Variants in KATNA1 observed in about 807,000 individuals in gnomAD.
KATNA1 encodes katanin p60 ATPase-containing subunit A1.
In KATNA1, 42 loss-of-function variants were observed where a neutral mutation model predicts 62.6. The observed-to-expected ratio is 0.67, with a 90% CI of 0.52 to 0.87. KATNA1 has a LOEUF of 0.87. KATNA1 is among the 40% of genes least tolerant of loss of function. The pLI, the probability that KATNA1 is intolerant of heterozygous loss-of-function variation, is 0.00. For synonymous variants in KATNA1, 186 were observed against 201.9 expected (o/e 0.92, Z 0.67); for missense variants, 498 against 612.5 (o/e 0.81, Z 1.97).
chr6:149,626,974 A>C (rs1415710064), intron 3 of KATNA1, among the ~76,000 whole-genome samples: 1 of 151,780 alleles, frequency 6.6e-6, no homozygotes, highest in Non-Finnish European at 1.5e-5. Context: ...ACAGAGTGAG[A>C]CTCCATCTTA....
intron 5 of KATNA1, 54 bp from the exon 6 acceptor site, chr6:149,603,427 G>T: frequency 1.2e-6 from 1 of 837,478 alleles, no homozygotes. Flanking sequence ...TGTCTATGCA[G>T]TCACTCTTGA....
intron 4 of KATNA1, among the ~76,000 whole-genome samples, chr6:149,607,355 C>A (rs914084452): frequency 6.6e-6 from 1 of 152,112 alleles, no homozygotes. Context: ...GTGGCTCATG[C>A]CTATAATTCT....
At chr6:149,647,557 C>CCAG (rs1223890428) in intron 1 of KATNA1, among the ~76,000 whole-genome samples, 20 of 149,326 alleles carry the variant, frequency 1.3e-4, no homozygotes, top group African/African-American at 4.9e-4. Flanking sequence ...AGAACAAAAC[C>CCAG]CAGCTCTTTT....
intron 2 of KATNA1, 127 bp from the exon 3 acceptor site, chr6:149,633,043 C>A: frequency 1.7e-6 from 1 of 574,108 alleles, no homozygotes; most frequent in Non-Finnish European, 2.9e-6. Flanking sequence ...TAAACCACAT[C>A]AAGATATTCT....
In KATNA1 at chr6:149,645,640, T is replaced by G. The variant is rs56661428; in HGVS notation, c.-14+2829A>C. 3.6e-3 allele frequency among the ~76,000 whole-genome samples: 552 copies of G among 152,288 alleles called. 3 individuals carry two copies. The highest frequency in any genetic ancestry group is 0.013 in the African/African-American group (525 of 41,564). On this transcript the variant is annotated intron_variant, in intron 1 of 10. Coordinates refer to ENST00000367411, the MANE Select transcript of KATNA1 (RefSeq NM_007044.4). ...TAACCATACACTATGCCTGCTTTAT[T>G]CACAGCAAGTTTTTCCTTTACATTA... is the stretch of plus-strand genomic sequence containing the variant.
At chr6:149,596,749 G>T in intron 10 of KATNA1, among the ~76,000 whole-genome samples, 1 of 151,926 alleles carries the variant, frequency 6.6e-6, no homozygotes, top group South Asian at 2.1e-4. Flanking sequence ...TTTTTTCATG[G>T]ATATGAGGTC....
intron 4 of KATNA1, among the ~76,000 whole-genome samples, chr6:149,620,643 A>G (rs965368552): frequency 2.6e-5 from 4 of 152,190 alleles, no homozygotes; most frequent in African/African-American, 7.2e-5. Context: ...AATAACTAGA[A>G]GAACAGATTT....
intron 3 of KATNA1, among the ~76,000 whole-genome samples, chr6:149,624,353 G>T (rs1779522927): frequency 6.6e-6 from 1 of 152,056 alleles, no homozygotes; most frequent in South Asian, 2.1e-4. Context: ...ACAGTTACTA[G>T]AACTCATGTT....
chr6:149,632,965 T>G (rs757073760), intron 2 of KATNA1, 49 bp from the exon 3 acceptor site: 2 of 1,467,704 alleles, frequency 1.4e-6, no homozygotes, highest in Admixed American at 2.3e-5. Flanking sequence ...AATATATCAC[T>G]GTCAAAATTA....
At chr6:149,640,790 G>C (rs368512218) in intron 1 of KATNA1, among the ~76,000 whole-genome samples, 18 of 152,020 alleles carry the variant, frequency 1.2e-4, no homozygotes, top group Non-Finnish European at 2.6e-4. Flanking sequence ...CTCGTGATCC[G>C]CCCGCCTCGG....
At chr6:149,632,299 C>T (rs908138584) in intron 3 of KATNA1, among the ~76,000 whole-genome samples, 1 of 150,348 alleles carries the variant, frequency 6.7e-6, no homozygotes, top group East Asian at 2.0e-4. Flanking sequence ...CACTTGAACC[C>T]GGGAGGCAGA....
chr6:149,601,438 C>G (rs1166740381), intron 7 of KATNA1, among the ~76,000 whole-genome samples, 156 bp downstream of exon 7: 4 of 152,112 alleles, frequency 2.6e-5, no homozygotes, highest in Admixed American at 2.6e-4. Context: ...TCTAATTATT[C>G]ATGTTTGTAA....
In KATNA1 at chr6:149,612,441, G is replaced by A. The variant is rs113477814; in HGVS notation, c.502-7659C>T. Among the ~76,000 whole-genome samples, 723 of 152,192 alleles carry A rather than the reference G, an allele frequency of 4.8e-3. 7 individuals carry two copies. Among genetic ancestry groups the A allele is most frequent in the African/African-American group, 0.017 (698 of 41,516 alleles). ...CGAGAATCTATTGAACCCAGGAGGC[G>A]GAGGTTGCAGTGAGCCAAGATCGCG... is the stretch of plus-strand genomic sequence containing the variant. On this transcript the variant is annotated intron_variant, in intron 4 of 10. Transcript: ENST00000367411.
At chr6:149,637,196 T>A (rs906726494) in intron 2 of KATNA1, among the ~76,000 whole-genome samples, 2 of 150,798 alleles carry the variant, frequency 1.3e-5, no homozygotes, top group African/African-American at 4.9e-5. Flanking sequence ...AGGATCACTT[T>A]AGCCTAAGAG....
chr6:149,602,698 C>G (rs915754366), intron 6 of KATNA1, among the ~76,000 whole-genome samples: 1 of 151,544 alleles, frequency 6.6e-6, no homozygotes, highest in Admixed American at 6.6e-5. Context: ...AATATGAGCT[C>G]ATTCTAAATG....
intron 1 of KATNA1, among the ~76,000 whole-genome samples, chr6:149,640,000 G>C (rs1399203997): frequency 2.6e-5 from 4 of 152,172 alleles, no homozygotes; most frequent in Non-Finnish European, 5.9e-5. Context: ...GTATTTTGAA[G>C]TTAGAAAAAT....
intron 4 of KATNA1, among the ~76,000 whole-genome samples, chr6:149,612,105 T>A (rs1778984669): frequency 6.6e-6 from 1 of 152,114 alleles, no homozygotes; most frequent in African/African-American, 2.4e-5. Context: ...CTACCACAAC[T>A]CACCTAATAA....
chr6:149,628,224 A>G (rs1312744873), intron 3 of KATNA1, among the ~76,000 whole-genome samples: 1 of 148,592 alleles, frequency 6.7e-6, no homozygotes, highest in African/African-American at 2.5e-5. Flanking sequence ...CAGCCTCCAG[A>G]GTAGCTGGGA....
chr6:149,605,954 T>C (rs2115090007), intron 4 of KATNA1, among the ~76,000 whole-genome samples: 1 of 152,176 alleles, frequency 6.6e-6, no homozygotes, highest in Non-Finnish European at 1.5e-5. Flanking sequence ...GAGATGGGGT[T>C]TCAGCACGTT....
Sources: gnomAD v4.1 joint callset for allele counts (sites outside exome capture counted in the v4.1 genomes callset) on GRCh38, gnomAD v4.1.1 for gene constraint, MANE v1.5 for transcripts, NCBI Gene and HGNC (gene_info 2026-07-23, HGNC 2026-07-21) for gene names.